BPIFA2: variants seen among roughly 807,000 people sequenced by gnomAD.
BPIFA2 encodes BPI fold-containing family A member 2.
Under a neutral mutation model 25.7 loss-of-function variants are expected in BPIFA2, and 20 were observed. That is an observed-to-expected ratio of 0.78 (90% confidence interval 0.55 to 1.13). The LOEUF (loss-of-function observed/expected upper bound fraction) is 1.13, where lower values mean the gene tolerates loss of function less well. Ranked by LOEUF, BPIFA2 falls within the 50% of genes most tolerant of loss-of-function variation. The pLI, the probability that BPIFA2 is intolerant of heterozygous loss-of-function variation, is 0.00. For missense variants in BPIFA2, 300 were observed against 298.1 expected, an observed-to-expected ratio of 1.01 and a Z score of -0.05; for synonymous variants, 126 against 124.3, an observed-to-expected ratio of 1.01 and a Z score of -0.09.
intron 5 of BPIFA2, among the ~76,000 whole-genome samples, chr20:33,175,814 G>A (rs1271877410): frequency 6.6e-6 from 1 of 152,106 alleles, no homozygotes; most frequent in Non-Finnish European, 1.5e-5. Flanking sequence ...ATGACCAGAT[G>A]AGAAAATACA....
intron 5 of BPIFA2, among the ~76,000 whole-genome samples, chr20:33,177,252 C>A (rs754593442): frequency 1.3e-5 from 2 of 151,626 alleles, no homozygotes; most frequent in Admixed American, 6.6e-5. Context: ...CTACTCGGGA[C>A]GCTGAGGCAC....
At chr20:33,167,286 G>A (rs942134076), upstream of BPIFA2, among the ~76,000 whole-genome samples, 3 of 152,200 alleles carry the variant, frequency 2.0e-5, no homozygotes, top group East Asian at 3.8e-4. Flanking sequence ...GCACCCACCC[G>A]AGTTTCCTGT....
At position 33,178,095 on chromosome 20, in the gene BPIFA2, T is replaced by C. The variant is rs8125150; in HGVS notation, c.564-52T>C. The C allele has an allele frequency of 6.6e-3, 9,433 of 1,432,558 alleles. 363 individuals are homozygous for C. The African/African-American group carries it at 0.1, about 15-fold the overall frequency. 88.7% of individuals were successfully genotyped at this position (1,432,558 alleles called of 1,614,324 possible). A position where few individuals can be genotyped will look rare whatever the true frequency, so the allele number is the denominator to read the frequency against. ...ACCGCCCCCAACTTTTTGGCAGTTC[T>C]CCCATCTCTTGCCCACTTGACCAGA... On this transcript the variant is annotated intron_variant, in intron 5 of 8. Coordinates refer to ENST00000354932, the MANE Select transcript of BPIFA2 (RefSeq NM_080574.4).
At position 33,180,595 on chromosome 20, in the gene BPIFA2, C is replaced by T; in HGVS notation, c.*35C>T. ...ATGAGGAGGACCACTGTGGTGCATG[C>T]TGGTGAGGAGCCAGTCTCTGTGCCC... On this transcript the variant is annotated splice_region_variant and 3_prime_UTR_variant, in exon 8 of 9. Coordinates refer to ENST00000354932, the MANE Select transcript of BPIFA2 (RefSeq NM_080574.4). The T allele has an allele frequency of 1.9e-6, 3 of 1,598,680 alleles. No individual in the cohort carries two copies. Among genetic ancestry groups the T allele is most frequent in the Non-Finnish European group, 2.6e-6 (3 of 1,166,002 alleles).
chr20:33,179,911 C>T (rs1984216127), intron 7 of BPIFA2, among the ~76,000 whole-genome samples: 1 of 152,118 alleles, frequency 6.6e-6, no homozygotes, highest in South Asian at 2.1e-4. Flanking sequence ...TGGAGGTGAC[C>T]CTTCTATGAA....
upstream of BPIFA2, among the ~76,000 whole-genome samples, chr20:33,163,402 C>T (rs773322389): frequency 1.3e-4 from 20 of 152,208 alleles, no homozygotes; most frequent in African/African-American, 2.4e-5. Context: ...TAACCCACAA[C>T]CCTTCAACCA....
Position 33,175,855 on chromosome 20 carries a change from CCTCT to C in BPIFA2, c.563+299_563+302del, listed in dbSNP as rs142937904. On this transcript the variant is annotated intron_variant, in intron 5 of 8. Transcript: ENST00000354932. The stretch of plus-strand genomic sequence containing the variant: ...TTAGCACGCAGCCTGGAACATGCTG[CCTCT>C]CTGCCTGCTGGTTCTCTCCATTACT... Among the ~76,000 whole-genome samples, 1,025 of 152,202 alleles carry C rather than the reference CCTCT, an allele frequency of 6.7e-3. 6 individuals are homozygous for C. Among genetic ancestry groups the C allele is most frequent in the African/African-American group, 0.023 (966 of 41,526 alleles).
chr20:33,174,853 G>C (rs1224444717), intron 4 of BPIFA2, among the ~76,000 whole-genome samples: 1 of 152,216 alleles, frequency 6.6e-6, no homozygotes, highest in African/African-American at 2.4e-5. Flanking sequence ...CGAGGCTGCA[G>C]TGAGCCGTGA....
intron 4 of BPIFA2, among the ~76,000 whole-genome samples, 156 bp from the exon 5 acceptor site, chr20:33,175,251 A>T (rs574045175): frequency 1.9e-3 from 283 of 152,346 alleles, no homozygotes; most frequent in Non-Finnish European, 3.4e-3. Flanking sequence ...TAAACATGTA[A>T]ATCTCATAGA....
At chr20:33,171,937 A>T (rs1983910340) in intron 2 of BPIFA2, among the ~76,000 whole-genome samples, 1 of 152,234 alleles carries the variant, frequency 6.6e-6, no homozygotes, top group African/African-American at 2.4e-5. Context: ...ACACATGTAC[A>T]CATATGTTTA....
chr20:33,170,507 C>T (rs1444269501), intron 2 of BPIFA2, among the ~76,000 whole-genome samples: 1 of 152,076 alleles, frequency 6.6e-6, no homozygotes, highest in Non-Finnish European at 1.5e-5. Context: ...GATCCTCTCA[C>T]CTCAGCCTCC....
In BPIFA2 at chr20:33,169,135, C is replaced by T; in HGVS notation, c.-11C>T. ...GTTCTTCCCATGACTGTCCAGGTGT[C>T]AAGACAAAAGATGCTTCAGCTTTGG... On this transcript the variant is annotated 5_prime_UTR_variant, in exon 2 of 9. Transcript: ENST00000354932. The T allele has an allele frequency of 6.2e-7, 1 of 1,613,488 alleles. No individual in the cohort carries two copies. Among genetic ancestry groups the T allele is most frequent in the Non-Finnish European group, 8.5e-7 (1 of 1,179,524 alleles).
rs200188786 is a variant in BPIFA2 at position 33,179,653 on chromosome 20, T to C, written c.695T>C (p.Ile232Thr). The change falls in exon 7 of 9, where the codon ATT becomes ACT. Residue 232 changes from isoleucine (I) to threonine (T), a missense_variant. Transcript: ENST00000354932. ...ATCCACTCCCTGGATGTGAATGTCA[T>C]TCAGCAGGTCGTCGGTAAGTCAATG... ...IFIHSLDVNV[I>T]QQVVDNPQHK... is the part of the protein sequence containing the mutation. 9 of 1,612,052 alleles carry C rather than the reference T, an allele frequency of 5.6e-6. No homozygotes were observed. Among genetic ancestry groups the C allele is most frequent in the African/African-American group, 1.3e-5 (1 of 74,738 alleles).
chr20:33,164,563 T>C (rs753760016), upstream of BPIFA2, among the ~76,000 whole-genome samples: 7 of 125,412 alleles, frequency 5.6e-5, no homozygotes, highest in Non-Finnish European at 8.0e-5. Flanking sequence ...CTCTCTCTCT[T>C]TCTTTCTTTC....
chr20:33,169,193 G>A lies in BPIFA2; in HGVS notation c.48G>A (p.Gly16=), dbSNP rs994605961. 2 of 1,614,118 alleles carry A rather than the reference G, an allele frequency of 1.2e-6. No homozygotes were observed. Among genetic ancestry groups the A allele is most frequent in the Non-Finnish European group, 1.7e-6 (2 of 1,179,958 alleles). ...TTCTCCTGTGCGGCGTGCTCACTGG[G>A]ACCTCAGAGTCTCTTCTTGACAATC... is the stretch of plus-strand genomic sequence containing the variant. ...KLVLLCGVLT[G]TSESLLDNLG... The change falls in exon 2 of 9, where the codon GGG becomes GGA. Residue 16 remains glycine (G), a synonymous_variant. Transcript: ENST00000354932.
At chr20:33,179,566 A>G (rs771834962) in intron 6 of BPIFA2, 38 bp from the exon 7 acceptor site, 39 of 1,539,136 alleles carry the variant, frequency 2.5e-5, no homozygotes, top group Non-Finnish European at 3.4e-5. Context: ...TCTTCCTCCT[A>G]CTCCTGACCC....
At chr20:33,164,403 A>T (rs1983662794), upstream of BPIFA2, among the ~76,000 whole-genome samples, 1 of 152,136 alleles carries the variant, frequency 6.6e-6, no homozygotes, top group South Asian at 2.1e-4. Context: ...AATGCCCATG[A>T]GGGGAACCAG....
Position 33,180,606 on chromosome 20 carries a change from C to A in BPIFA2, c.*37+9C>A. 1.3e-6 allele frequency: 2 copies of A among 1,578,624 alleles called. No homozygotes were observed. Among genetic ancestry groups the A allele is most frequent in the Non-Finnish European group, 1.7e-6 (2 of 1,147,944 alleles). On this transcript the variant is annotated intron_variant, in intron 8 of 8. Transcript: ENST00000354932. ...CACTGTGGTGCATGCTGGTGAGGAG[C>A]CAGTCTCTGTGCCCCAATGCACAGG...
At chr20:33,167,319 C>T (rs1279634475), upstream of BPIFA2, among the ~76,000 whole-genome samples, 2 of 152,174 alleles carry the variant, frequency 1.3e-5, no homozygotes, top group Non-Finnish European at 2.9e-5. Flanking sequence ...TGACACAGGC[C>T]CAATGCAGCA....
Sources: allele counts gnomAD v4.1 joint callset (sites outside exome capture counted in the v4.1 genomes callset), GRCh38; gene constraint gnomAD v4.1.1; transcripts MANE v1.5; gene names NCBI Gene and HGNC (gene_info 2026-07-23, HGNC 2026-07-21).